The following HHIP variants were observed in gnomAD, a reference collection of about 807,000 sequenced individuals.
HHIP encodes the protein hedgehog interacting protein, also known as hedgehog-interacting protein.
Under a neutral mutation model 74.0 loss-of-function variants are expected in HHIP, and 12 were observed. The ratio of observed to expected loss-of-function variants is 0.16; its 90% confidence interval spans 0.10 to 0.26. The LOEUF (loss-of-function observed/expected upper bound fraction) is 0.26, where lower values mean the gene tolerates loss of function less well. HHIP is among the 10% of genes least tolerant of loss of function. The pLI, the probability that HHIP is intolerant of heterozygous loss-of-function variation, is 1.00. For synonymous variants in HHIP, 309 were observed against 311.6 expected, an observed-to-expected ratio of 0.99 and a Z score of 0.09; for missense variants, 788 against 845.0, an observed-to-expected ratio of 0.93 and a Z score of 0.84.
rs111840667 is a variant in HHIP, at chr4:144,725,969, G to C, written c.1760+7013G>C. Among the ~76,000 whole-genome samples the C allele has an allele frequency of 2.0e-3, 306 of 151,916 alleles. 2 individuals carry two copies. Among genetic ancestry groups the C allele is most frequent in the African/African-American group, 6.9e-3 (285 of 41,430 alleles). ...TACAGACATGAGCCACCGTGTCCAG[G>C]CTATTTACTCTATTTGTTAATATTA... On this transcript the variant is annotated intron_variant, in intron 11 of 12. Coordinates refer to ENST00000296575, the MANE Select transcript of HHIP (RefSeq NM_022475.3).
rs958744138 is a variant in HHIP, at chr4:144,744,692, C to A, written c.*6735C>A. On this transcript the variant is annotated 3_prime_UTR_variant, in exon 13 of 13. Coordinates refer to ENST00000296575, the MANE Select transcript of HHIP (RefSeq NM_022475.3). ...TTTAATCAATCTTCTATTATTCAAT[C>A]ATCTATCCATTTATTAATTCAACAA... is the stretch of plus-strand genomic sequence containing the variant. The A allele has an allele frequency of 7.2e-5, 11 of 152,152 alleles. No homozygotes were observed. Among genetic ancestry groups the A allele is most frequent in the African/African-American group, 2.4e-4 (10 of 41,436 alleles). The allele number at this position is 152,152 out of a possible 1,614,324, so 9.4% of individuals were successfully genotyped here. A position where few individuals can be genotyped will look rare whatever the true frequency, so the allele number is the denominator to read the frequency against.
chr4:144,648,697 C>T (rs909984916), intron 1 of HHIP: 3 of 152,070 alleles, frequency 2.0e-5, no homozygotes, highest in African/African-American at 7.2e-5. Flanking sequence ...TCTAGAGACC[C>T]CTGCAATACT....
intron 4 of HHIP, among the ~76,000 whole-genome samples, chr4:144,695,325 T>A (rs1259902472): frequency 1.3e-5 from 2 of 151,906 alleles, no homozygotes; most frequent in African/African-American, 2.4e-5. Context: ...CATGCTCTCA[T>A]ACACTCCTTG....
intron 2 of HHIP, among the ~76,000 whole-genome samples, chr4:144,654,299 G>A (rs897839013): frequency 2.6e-5 from 4 of 152,160 alleles, no homozygotes; most frequent in Non-Finnish European, 5.9e-5. Context: ...ATGTGGTGAC[G>A]AATGACAAAT....
chr4:144,672,959 A>C (rs1413146699), intron 4 of HHIP, among the ~76,000 whole-genome samples: 1 of 152,202 alleles, frequency 6.6e-6, no homozygotes, highest in Non-Finnish European at 1.5e-5. Flanking sequence ...AGCCTCCCAA[A>C]GTGCTGGGAC....
chr4:144,668,865 A>G (rs1728952547), intron 4 of HHIP, among the ~76,000 whole-genome samples: 1 of 152,200 alleles, frequency 6.6e-6, no homozygotes, highest in Non-Finnish European at 1.5e-5. Context: ...AATTTTTTAT[A>G]TAAAGTCTAA....
rs1730160027 is a variant in HHIP at position 144,706,689 on chromosome 4, C to A, written c.983+7C>A. ...TGGAATACACAGTATCCAGGTATCA[C>A]TAAAAGGCATCGAAGCATAGAAATT... On this transcript the variant is annotated splice_region_variant and intron_variant, in intron 5 of 12. Transcript: ENST00000296575. The A allele has an allele frequency of 6.3e-7, 1 of 1,584,280 alleles. No homozygotes were observed. Among genetic ancestry groups the A allele is most frequent in the Admixed American group, 2.0e-5 (1 of 50,746 alleles).
intron 4 of HHIP, among the ~76,000 whole-genome samples, chr4:144,677,748 A>G (rs928966323): frequency 6.6e-6 from 1 of 152,212 alleles, no homozygotes; most frequent in African/African-American, 2.4e-5. Context: ...TGTGCTTCTT[A>G]GTACTGGGCT....
chr4:144,704,708 C>G (rs1004461128), intron 4 of HHIP, among the ~76,000 whole-genome samples: 1 of 152,206 alleles, frequency 6.6e-6, no homozygotes, highest in African/African-American at 2.4e-5. Context: ...CAGTACTTAA[C>G]CTGCACTCAC....
At chr4:144,730,408 T>C (rs1730919788) in intron 11 of HHIP, among the ~76,000 whole-genome samples, 1 of 152,180 alleles carries the variant, frequency 6.6e-6, no homozygotes, top group East Asian at 1.9e-4. Context: ...TGTCAACAAA[T>C]AGGCTAGATA....
Position 144,740,650 on chromosome 4 carries a change from A to G in HHIP, c.*2693A>G, listed in dbSNP as rs923511509. On this transcript the variant is annotated 3_prime_UTR_variant, in exon 13 of 13. Coordinates refer to ENST00000296575, the MANE Select transcript of HHIP (RefSeq NM_022475.3). ...ATGCATGACTGGAGAATTATCTTCA[A>G]TGATTCATGATGAGAGGCAGGTAGG... The G allele has an allele frequency of 2.0e-5, 3 of 152,198 alleles. No individual in the cohort carries two copies. Among genetic ancestry groups the G allele is most frequent in the African/African-American group, 4.8e-5 (2 of 41,464 alleles). The allele number at this position is 152,198 out of a possible 1,614,324, so 9.4% of individuals were successfully genotyped here.
chr4:144,646,849 G>A lies in HHIP; in HGVS notation c.174G>A (p.Gln58=), dbSNP rs763395407. Residue 58 remains glutamine, a synonymous_variant, in exon 1 of 13, where the codon CAG becomes CAA. Coordinates refer to ENST00000296575, the MANE Select transcript of HHIP (RefSeq NM_022475.3). ...GGAGAGACAGGAGGATGATGTCCCA[G>A]CTGGAGCTGCTGAGTGGGGGAGAGA... ...LKRRDRRMMS[Q]LELLSGGEML... The A allele has an allele frequency of 1.7e-5, 28 of 1,614,114 alleles. No individual in the cohort carries two copies. In the East Asian group the frequency reaches 5.8e-4, roughly 33 times the overall value.
At chr4:144,718,046 C>A (rs769575355) in intron 10 of HHIP, among the ~76,000 whole-genome samples, 4 of 151,908 alleles carry the variant, frequency 2.6e-5, no homozygotes, top group African/African-American at 9.7e-5. Flanking sequence ...GATAAAGAGA[C>A]AAAAGTCTAA....
intron 7 of HHIP, among the ~76,000 whole-genome samples, chr4:144,710,198 G>A (rs1178363668): frequency 6.6e-6 from 1 of 152,104 alleles, no homozygotes; most frequent in Non-Finnish European, 1.5e-5. Context: ...GTTTCTTGTT[G>A]GAAACAAGTC....
intron 12 of HHIP, among the ~76,000 whole-genome samples, chr4:144,736,330 T>C (rs1731120150): frequency 6.6e-6 from 1 of 151,992 alleles, no homozygotes; most frequent in Non-Finnish European, 1.5e-5. Context: ...GAGATGGGTT[T>C]CCACCACGTT....
intron 4 of HHIP, 49 bp from the exon 5 acceptor site, chr4:144,706,482 A>G (rs1276500016): frequency 2.7e-6 from 4 of 1,467,106 alleles, no homozygotes; most frequent in East Asian, 2.4e-5. Flanking sequence ...AAACACAATA[A>G]AGAACATAAT....
Position 144,714,272 on chromosome 4 carries a change from T to A in HHIP, c.1471T>A (p.Leu491Met). 1.9e-6 allele frequency: 3 copies of A among 1,613,324 alleles called. No homozygotes were observed. Among genetic ancestry groups the A allele is most frequent in the Non-Finnish European group, 2.5e-6 (3 of 1,179,466 alleles). ...ATTCAAGCCATTCAGTAATGGTCCT[T>A]TGGTTGGTGGATTTGTATACCGGGG... ...LEFKPFSNGP[L>M]VGGFVYRGCQ... The change falls in exon 9 of 13, where the codon TTG becomes ATG. Residue 491 changes from leucine (L) to methionine (M), a missense_variant. Around this residue, in one of 3 missense-constraint regions of HHIP, gnomAD observed 343 missense variants for 347.9 expected, o/e 0.99. Coordinates refer to ENST00000296575, the MANE Select transcript of HHIP (RefSeq NM_022475.3).
At chr4:144,706,735 A>G in intron 5 of HHIP, 53 bp downstream of exon 5, 1 of 1,511,660 alleles carries the variant, frequency 6.6e-7, no homozygotes, top group East Asian at 2.3e-5. Flanking sequence ...TTTTCTCATC[A>G]TCTTTTCATA....
In HHIP at chr4:144,743,413, T is replaced by C. The variant is rs1731315924; in HGVS notation, c.*5456T>C. On this transcript the variant is annotated 3_prime_UTR_variant, in exon 13 of 13. Coordinates refer to ENST00000296575, the MANE Select transcript of HHIP (RefSeq NM_022475.3). The stretch of plus-strand genomic sequence containing the variant: ...ATAAAAAAATAAATAATTGGATTCC[T>C]TGTATCAACAGAAAGCCTTGTGCTT... 1 of 152,066 alleles carries C rather than the reference T, an allele frequency of 6.6e-6. No individual in the cohort carries two copies. Among genetic ancestry groups the C allele is most frequent in the Admixed American group, 6.6e-5 (1 of 15,254 alleles). The allele number at this position is 152,066 out of a possible 1,614,324, so 9.4% of individuals were successfully genotyped here.
Sources: gnomAD v4.1 joint callset for allele counts (sites outside exome capture counted in the v4.1 genomes callset) on GRCh38, gnomAD v4.1.1 for gene constraint, gnomAD v4.1.1 regional missense constraint, MANE v1.5 for transcripts, NCBI Gene and HGNC (gene_info 2026-07-23, HGNC 2026-07-21) for gene names.